ROR1: variants seen among roughly 807,000 people sequenced by gnomAD.
The protein encoded by ROR1 is inactive tyrosine-protein kinase transmembrane receptor ROR1.
ROR1 carries 19 observed loss-of-function variants against 78.8 expected under a neutral mutation model. That is an observed-to-expected ratio of 0.24 (90% CI 0.17 to 0.35). ROR1 has a LOEUF of 0.35. Among genes scored for constraint, ROR1 ranks in the 10% least tolerant of loss-of-function variants. ROR1 has a pLI of 1.00. For synonymous variants in ROR1, 386 were observed against 433.6 expected (o/e 0.89, Z 1.36); for missense variants, 917 against 1,177.8 (o/e 0.78, Z 3.24).
At chr1:63,884,744 T>C (rs1408783515) in intron 1 of ROR1, among the ~76,000 whole-genome samples, 4 of 152,026 alleles carry the variant, frequency 2.6e-5, no homozygotes, top group Non-Finnish European at 5.9e-5. Flanking sequence ...ACAAATTAAC[T>C]CAATGTGGAA....
chr1:63,945,093 G>A (rs751126862), intron 1 of ROR1, among the ~76,000 whole-genome samples: 23 of 152,036 alleles, frequency 1.5e-4, no homozygotes, highest in Non-Finnish European at 2.9e-4. Flanking sequence ...ACATCCAGGC[G>A]ATAATATATT....
At chr1:64,093,242 G>C (rs1469411457) in intron 4 of ROR1, among the ~76,000 whole-genome samples, 1 of 152,096 alleles carries the variant, frequency 6.6e-6, no homozygotes, top group Non-Finnish European at 1.5e-5. Flanking sequence ...ACTGCCCTTT[G>C]TAGGGTTTGT....
intron 8 of ROR1, among the ~76,000 whole-genome samples, chr1:64,174,885 A>G (rs1650334719): frequency 6.6e-6 from 1 of 152,140 alleles, no homozygotes; most frequent in Non-Finnish European, 1.5e-5. Flanking sequence ...GCTCTCTCAA[A>G]GGAATTCTAC....
chr1:63,988,506 C>T (rs285353), intron 1 of ROR1, among the ~76,000 whole-genome samples: 101,967 of 152,138 alleles, frequency 0.67, 38,369 homozygotes, highest in East Asian at 0.94. Context: ...TACTTTTTAA[C>T]CATTTTAGGT....
At chr1:64,126,461 G>C (rs1648717829) in intron 4 of ROR1, among the ~76,000 whole-genome samples, 1 of 152,184 alleles carries the variant, frequency 6.6e-6, no homozygotes, top group African/African-American at 2.4e-5. Context: ...AATGGAGGTA[G>C]AGAGACCAGT....
At chr1:63,941,825 A>G (rs1274219754) in intron 1 of ROR1, among the ~76,000 whole-genome samples, 1 of 152,186 alleles carries the variant, frequency 6.6e-6, no homozygotes, top group Non-Finnish European at 1.5e-5. Context: ...CATCTTGGCT[A>G]GCCTTAAAAA....
At chr1:64,132,793 GAT>G (rs1407142502) in intron 4 of ROR1, among the ~76,000 whole-genome samples, 3,352 of 141,976 alleles carry the variant, frequency 0.024, 174 homozygotes, top group African/African-American at 0.089. Flanking sequence ...AAGAGAGAGA[GAT>G]AGGCATTTTA....
chr1:63,805,225 C>G (rs1406282516), intron 1 of ROR1, among the ~76,000 whole-genome samples: 2 of 152,162 alleles, frequency 1.3e-5, no homozygotes, highest in African/African-American at 4.8e-5. Context: ...AGCACCTGAT[C>G]AGGGAGGGGA....
At chr1:63,849,782 A>G (rs1343707437) in intron 1 of ROR1, among the ~76,000 whole-genome samples, 2 of 152,250 alleles carry the variant, frequency 1.3e-5, no homozygotes, top group African/African-American at 2.4e-5. Context: ...CTGGATATCT[A>G]GACCAATCCA....
At chr1:63,777,827 T>C (rs1351256002) in intron 1 of ROR1, among the ~76,000 whole-genome samples, 1 of 152,260 alleles carries the variant, frequency 6.6e-6, no homozygotes, top group Non-Finnish European at 1.5e-5. Context: ...TGTAAATGTA[T>C]ATGTACAGAT....
At chr1:64,062,748 C>T (rs1187039383) in intron 4 of ROR1, among the ~76,000 whole-genome samples, 1 of 152,212 alleles carries the variant, frequency 6.6e-6, no homozygotes, top group African/African-American at 2.4e-5. Flanking sequence ...GTCTTGTACA[C>T]TCATAGAGCT....
chr1:64,161,624 G>T (rs982621618), intron 8 of ROR1, among the ~76,000 whole-genome samples: 38 of 152,218 alleles, frequency 2.5e-4, no homozygotes, highest in African/African-American at 8.9e-4. Context: ...CAGAGACTGG[G>T]TGAAGTAAAC....
chr1:63,846,014 T>C (rs914106913), intron 1 of ROR1, among the ~76,000 whole-genome samples: 9 of 152,198 alleles, frequency 5.9e-5, no homozygotes, highest in Non-Finnish European at 1.3e-4. Flanking sequence ...GTGCTGTGTC[T>C]AATCAGCTTT....
intron 1 of ROR1, among the ~76,000 whole-genome samples, chr1:63,778,173 C>T (rs554084345): frequency 6.6e-6 from 1 of 152,244 alleles, no homozygotes; most frequent in Admixed American, 6.5e-5. Context: ...TGAGGTCATG[C>T]ATGTAAAGTA....
chr1:64,138,291 G>T (rs1649188542), intron 5 of ROR1, among the ~76,000 whole-genome samples: 1 of 151,990 alleles, frequency 6.6e-6, no homozygotes. Flanking sequence ...TAAAAATTCA[G>T]GATACCCAGT....
intron 4 of ROR1, among the ~76,000 whole-genome samples, chr1:64,072,644 G>A (rs566943658): frequency 9.9e-5 from 15 of 152,222 alleles, no homozygotes; most frequent in South Asian, 6.2e-4. Context: ...AATACATGAC[G>A]TCATCCTAGT....
At chr1:63,823,744 C>A (rs1644937230) in intron 1 of ROR1, among the ~76,000 whole-genome samples, 1 of 151,814 alleles carries the variant, frequency 6.6e-6, no homozygotes, top group South Asian at 2.1e-4. Context: ...TGAGCCCCCA[C>A]ACCCAGTCAA....
chr1:64,051,922 G>T (rs1202177676), intron 4 of ROR1, among the ~76,000 whole-genome samples: 2 of 152,172 alleles, frequency 1.3e-5, no homozygotes, highest in East Asian at 3.8e-4. Context: ...TACAGTGTGG[G>T]GTATTTTAAT....
chr1:63,922,996 G>A (rs1301448860), intron 1 of ROR1, among the ~76,000 whole-genome samples: 2 of 152,174 alleles, frequency 1.3e-5, no homozygotes, highest in African/African-American at 2.4e-5. Context: ...TAGTAATAAT[G>A]AAAACAACTG....
Sources: allele counts gnomAD v4.1 joint callset (sites outside exome capture counted in the v4.1 genomes callset), GRCh38; gene constraint gnomAD v4.1.1; transcripts MANE v1.5; gene names NCBI Gene and HGNC (gene_info 2026-07-23, HGNC 2026-07-21).